Variants in ROBO1 observed in about 807,000 individuals in gnomAD.
ROBO1 encodes roundabout guidance receptor 1, also known as roundabout homolog 1.
In ROBO1, 149 loss-of-function variants were observed where a neutral mutation model predicts 195.9. The ratio of observed to expected loss-of-function variants is 0.76; its 90% confidence interval spans 0.67 to 0.87. ROBO1 has a LOEUF of 0.87. Ranked by LOEUF, ROBO1 falls within the 40% of genes least tolerant of loss-of-function variation. ROBO1 has a pLI of 0.00. For synonymous variants in ROBO1, 816 were observed against 733.2 expected (o/e 1.11, Z -1.82); for missense variants, 1,933 against 2,068.3 (o/e 0.93, Z 1.27).
intron 1 of ROBO1, among the ~76,000 whole-genome samples, chr3:79,699,025 T>C (rs1041534235): frequency 6.6e-6 from 1 of 150,896 alleles, no homozygotes; most frequent in Non-Finnish European, 1.5e-5. Context: ...CACTGTGTAG[T>C]TTTTTTCAAA....
chr3:79,658,768 T>C (rs749687651), intron 1 of ROBO1, among the ~76,000 whole-genome samples: 7 of 151,448 alleles, frequency 4.6e-5, no homozygotes, highest in Non-Finnish European at 8.8e-5. Flanking sequence ...TTATTCAAAA[T>C]CTATTTTTTT....
At chr3:79,024,005 T>C (rs1242506585) in intron 3 of ROBO1, among the ~76,000 whole-genome samples, 1 of 152,004 alleles carries the variant, frequency 6.6e-6, no homozygotes, top group Non-Finnish European at 1.5e-5. Flanking sequence ...CCACCGCGCC[T>C]GGCCAGGGCC....
chr3:78,982,257 A>G (rs1481648378), intron 3 of ROBO1, among the ~76,000 whole-genome samples: 1 of 152,164 alleles, frequency 6.6e-6, no homozygotes, highest in African/African-American at 2.4e-5. Flanking sequence ...AGAGGGGTAT[A>G]TAAGTACCTA....
intron 3 of ROBO1, among the ~76,000 whole-genome samples, chr3:78,955,213 G>C (rs956423629): frequency 6.9e-6 from 1 of 145,728 alleles, no homozygotes; most frequent in Admixed American, 6.8e-5. Flanking sequence ...GGTAAACTGT[G>C]TGTCATGGGG....
intron 28 of ROBO1, among the ~76,000 whole-genome samples, chr3:78,612,030 C>G (rs2107338832): frequency 6.6e-6 from 1 of 152,268 alleles, no homozygotes; most frequent in Middle Eastern, 3.4e-3. Flanking sequence ...CAAACTAATA[C>G]AAGGATTAAC....
At chr3:78,876,816 T>C (rs1192502637) in intron 4 of ROBO1, among the ~76,000 whole-genome samples, 4 of 152,064 alleles carry the variant, frequency 2.6e-5, no homozygotes, top group African/African-American at 7.2e-5. Flanking sequence ...ACCAGATAAA[T>C]ACAAGAATAG....
intron 2 of ROBO1, among the ~76,000 whole-genome samples, chr3:79,574,122 G>A (rs1278003594): frequency 6.6e-6 from 1 of 152,124 alleles, no homozygotes; most frequent in South Asian, 2.1e-4. Flanking sequence ...GCTTATAAGT[G>A]TTGTTGTCAT....
At chr3:79,110,265 T>C (rs1026406115) in intron 3 of ROBO1, among the ~76,000 whole-genome samples, 1 of 151,968 alleles carries the variant, frequency 6.6e-6, no homozygotes, top group Non-Finnish European at 1.5e-5. Context: ...ATTTATATAA[T>C]ACTATATAAT....
At chr3:79,398,901 G>C (rs1481599923) in intron 2 of ROBO1, among the ~76,000 whole-genome samples, 1 of 151,784 alleles carries the variant, frequency 6.6e-6, no homozygotes, top group African/African-American at 2.4e-5. Flanking sequence ...CAGACACACT[G>C]TGCTTTATAC....
intron 4 of ROBO1, among the ~76,000 whole-genome samples, chr3:78,791,392 C>A (rs2084015373): frequency 6.6e-6 from 1 of 152,134 alleles, no homozygotes; most frequent in African/African-American, 2.4e-5. Flanking sequence ...TCAAATAAAA[C>A]AACAAAATCT....
At chr3:79,054,775 G>C (rs985570409) in intron 3 of ROBO1, among the ~76,000 whole-genome samples, 1 of 152,130 alleles carries the variant, frequency 6.6e-6, no homozygotes, top group Non-Finnish European at 1.5e-5. Context: ...GTATGATATA[G>C]ATGGAATCCC....
At chr3:79,635,083 C>A (rs747107678) in intron 1 of ROBO1, among the ~76,000 whole-genome samples, 16 of 152,212 alleles carry the variant, frequency 1.1e-4, no homozygotes, top group South Asian at 4.2e-4. Context: ...TGAAGATTTC[C>A]ATTTTCTCAA....
intron 1 of ROBO1, among the ~76,000 whole-genome samples, chr3:79,746,340 A>G (rs904434732): frequency 4.6e-5 from 7 of 152,080 alleles, no homozygotes; most frequent in African/African-American, 1.7e-4. Context: ...ACTTTTTAAG[A>G]TGACTGAGAG....
chr3:79,531,251 A>G (rs1434439933), intron 2 of ROBO1, among the ~76,000 whole-genome samples: 1 of 152,168 alleles, frequency 6.6e-6, no homozygotes, highest in Non-Finnish European at 1.5e-5. Context: ...CAATAAATAT[A>G]CTGAGCACCT....
intron 2 of ROBO1, among the ~76,000 whole-genome samples, chr3:79,376,145 C>T (rs1039433269): frequency 1.3e-5 from 2 of 152,116 alleles, no homozygotes; most frequent in African/African-American, 4.8e-5. Flanking sequence ...TTTGAGTTTA[C>T]ACAATTCATT....
chr3:78,606,692 C>A, intron 29 of ROBO1, 41 bp downstream of exon 29: 1 of 1,591,332 alleles, frequency 6.3e-7, no homozygotes, highest in South Asian at 1.1e-5. Context: ...CTTGCAAACA[C>A]ACTCAATCTG....
intron 2 of ROBO1, among the ~76,000 whole-genome samples, chr3:79,421,573 C>G (rs1262749362): frequency 6.6e-6 from 1 of 152,080 alleles, no homozygotes; most frequent in African/African-American, 2.4e-5. Context: ...CAACCCAAAT[C>G]ATAGCAGCAG....
intron 2 of ROBO1, among the ~76,000 whole-genome samples, chr3:79,205,236 T>C (rs2081845481): frequency 6.6e-6 from 1 of 152,122 alleles, no homozygotes; most frequent in Non-Finnish European, 1.5e-5. Flanking sequence ...TCAAGTGATC[T>C]GCCTTCCTCG....
rs1307425168 is a variant in ROBO1, at chr3:79,104,234, G to A, written c.172+21222C>T. Among the ~76,000 whole-genome samples, 5 of 151,750 alleles carry A rather than the reference G, an allele frequency of 3.3e-5. No homozygotes were observed. In the Admixed American group the frequency reaches 3.3e-4, roughly 10 times the overall value. ...AGGAGTCATGAACGCTTTCATAGTC[G>A]TGTTACTACACAGATTATGTAATAG... On this transcript the variant is annotated intron_variant, in intron 3 of 30. Transcript: ENST00000464233.
Sources: gnomAD v4.1 joint callset for allele counts (sites outside exome capture counted in the v4.1 genomes callset) on GRCh38, gnomAD v4.1.1 for gene constraint, MANE v1.5 for transcripts, NCBI Gene and HGNC (gene_info 2026-07-23, HGNC 2026-07-21) for gene names.